Variants in NWD2 observed in about 807,000 individuals in gnomAD.
NWD2 encodes the protein NACHT and WD repeat domain-containing protein 2.
Under a neutral mutation model 132.7 loss-of-function variants are expected in NWD2, and 37 were observed. The ratio of observed to expected loss-of-function variants is 0.28; its 90% CI spans 0.21 to 0.37. The LOEUF is 0.37. NWD2 is among the 10% of genes least tolerant of loss of function. The pLI, the probability that NWD2 is intolerant of heterozygous loss-of-function variation, is 1.00. For missense variants in NWD2, 1,592 were observed against 2,122.4 expected, an observed-to-expected ratio of 0.75 and a Z score of 4.91; for synonymous variants, 705 against 803.0, an observed-to-expected ratio of 0.88 and a Z score of 2.06.
intron 3 of NWD2, among the ~76,000 whole-genome samples, chr4:37,368,650 G>A (rs1720148372): frequency 6.6e-6 from 1 of 152,188 alleles, no homozygotes; most frequent in African/African-American, 2.4e-5. Context: ...CTAAGAGCTG[G>A]AAGGACTAAG....
chr4:37,260,708 G>A (rs1157754755), intron 1 of NWD2, among the ~76,000 whole-genome samples: 1 of 152,168 alleles, frequency 6.6e-6, no homozygotes, highest in African/African-American at 2.4e-5. Flanking sequence ...GGTATGAGTA[G>A]GGTAAAATAG....
intron 3 of NWD2, among the ~76,000 whole-genome samples, chr4:37,384,848 TC>T (rs1720528595): frequency 1.3e-5 from 2 of 152,188 alleles, no homozygotes; most frequent in Non-Finnish European, 2.9e-5. Flanking sequence ...TAGCCATTCA[TC>T]TGTGGACAGA....
At chr4:37,316,505 G>A (rs2109283566) in intron 1 of NWD2, among the ~76,000 whole-genome samples, 1 of 152,118 alleles carries the variant, frequency 6.6e-6, no homozygotes, top group African/African-American at 2.4e-5. Context: ...CTTTGGATGT[G>A]TAGATTTATG....
At chr4:37,315,872 A>G (rs1718946429) in intron 1 of NWD2, among the ~76,000 whole-genome samples, 1 of 151,986 alleles carries the variant, frequency 6.6e-6, no homozygotes, top group Admixed American at 6.6e-5. Context: ...GGATTACAAA[A>G]TATTCTTAAT....
At chr4:37,342,836 C>A (rs1432639374) in intron 2 of NWD2, among the ~76,000 whole-genome samples, 1 of 152,140 alleles carries the variant, frequency 6.6e-6, no homozygotes, top group Admixed American at 6.5e-5. Flanking sequence ...ATCATCCAAC[C>A]TCATATTGTT....
intron 1 of NWD2, among the ~76,000 whole-genome samples, chr4:37,275,756 G>A (rs1717997631): frequency 6.6e-6 from 1 of 152,040 alleles, no homozygotes; most frequent in South Asian, 2.1e-4. Flanking sequence ...CAGAGATATA[G>A]ACCAATGGAA....
chr4:37,406,609 C>A (rs976009758), intron 3 of NWD2, among the ~76,000 whole-genome samples: 2 of 152,052 alleles, frequency 1.3e-5, no homozygotes, highest in African/African-American at 2.4e-5. Flanking sequence ...TACTATGCAG[C>A]CATAAAAAAT....
intron 2 of NWD2, among the ~76,000 whole-genome samples, chr4:37,339,924 C>T (rs1258301809): frequency 6.6e-6 from 1 of 151,446 alleles, no homozygotes; most frequent in Non-Finnish European, 1.5e-5. Flanking sequence ...TAAGTTAGAA[C>T]AAGCGGTATT....
chr4:37,333,722 T>C (rs73807494), intron 2 of NWD2, among the ~76,000 whole-genome samples: 19,044 of 151,986 alleles, frequency 0.13, 1,248 homozygotes, highest in East Asian at 0.18. Context: ...CCCAAATGAG[T>C]TCAGGAAGGC....
chr4:37,340,099 T>C (rs1466906170), intron 2 of NWD2, among the ~76,000 whole-genome samples: 1 of 69,538 alleles, frequency 1.4e-5, no homozygotes, highest in African/African-American at 3.1e-5. Flanking sequence ...TAATTAGATA[T>C]AGTCCCTTGA....
intron 1 of NWD2, among the ~76,000 whole-genome samples, chr4:37,289,097 C>T (rs975167716): frequency 2.0e-5 from 3 of 152,058 alleles, no homozygotes; most frequent in Middle Eastern, 3.2e-3. Flanking sequence ...GTCTCAGTTT[C>T]TCTTTAATCC....
chr4:37,313,789 C>T (rs1718901351), intron 1 of NWD2, among the ~76,000 whole-genome samples: 1 of 150,964 alleles, frequency 6.6e-6, no homozygotes, highest in South Asian at 2.1e-4. Flanking sequence ...ACCTCTGCCT[C>T]CCGGGTTCAA....
chr4:37,352,970 A>G (rs553536845), intron 2 of NWD2, among the ~76,000 whole-genome samples: 6 of 152,246 alleles, frequency 3.9e-5, no homozygotes, highest in South Asian at 4.1e-4. Context: ...ACAATTTGGT[A>G]TGTTTTTACA....
intron 3 of NWD2, among the ~76,000 whole-genome samples, chr4:37,408,560 T>G (rs992281556): frequency 6.6e-6 from 1 of 152,138 alleles, no homozygotes; most frequent in Non-Finnish European, 1.5e-5. Flanking sequence ...CCCATCTCAA[T>G]GGGACAGAGC....
At chr4:37,368,324 A>C (rs1217371553) in intron 3 of NWD2, among the ~76,000 whole-genome samples, 1 of 152,196 alleles carries the variant, frequency 6.6e-6, no homozygotes, top group Non-Finnish European at 1.5e-5. Context: ...TGCAAGGTCC[A>C]GATCTGCTAT....
intron 1 of NWD2, among the ~76,000 whole-genome samples, chr4:37,276,334 T>C (rs1718012382): frequency 6.6e-6 from 1 of 152,100 alleles, no homozygotes; most frequent in African/African-American, 2.4e-5. Context: ...AACAGACACG[T>C]GAAAAAATGC....
chr4:37,371,072 C>CTT (rs1309185055), intron 3 of NWD2, among the ~76,000 whole-genome samples: 2,030 of 100,000 alleles, frequency 0.02, 90 homozygotes, highest in South Asian at 0.047. Context: ...ATTTTTTTTT[C>CTT]TTTTTCTTTT....
Position 37,367,599 on chromosome 4 carries a change from A to G in NWD2, c.357+11117A>G, listed in dbSNP as rs148627682. ...AAGGATAAACGGATGATAGGATTTC[A>G]GAGCTGGAAAGAGCCTTAAGATAAT... On this transcript the variant is annotated intron_variant, in intron 3 of 6. Coordinates refer to ENST00000309447, the MANE Select transcript of NWD2 (RefSeq NM_001144990.2). Among the ~76,000 whole-genome samples the G allele has an allele frequency of 1.9e-3, 294 of 152,306 alleles. 1 individual carries two copies. Among genetic ancestry groups the G allele is most frequent in the African/African-American group, 6.9e-3 (287 of 41,582 alleles).
intron 2 of NWD2, among the ~76,000 whole-genome samples, chr4:37,345,525 C>T (rs748061597): frequency 3.9e-5 from 6 of 152,044 alleles, no homozygotes; most frequent in African/African-American, 9.7e-5. Flanking sequence ...CTACTCAGAT[C>T]GTTTGCCCAT....
Sources: allele counts gnomAD v4.1 joint callset (sites outside exome capture counted in the v4.1 genomes callset), GRCh38; gene constraint gnomAD v4.1.1; transcripts MANE v1.5; gene names NCBI Gene and HGNC (gene_info 2026-07-23, HGNC 2026-07-21).